GALNT7: variants seen among roughly 807,000 people sequenced by gnomAD.
GALNT7 encodes the protein polypeptide N-acetylgalactosaminyltransferase 7.
In GALNT7, 60 loss-of-function variants were observed where a neutral mutation model predicts 82.1. The observed-to-expected ratio is 0.73, with a 90% CI of 0.59 to 0.91. The LOEUF is 0.91. GALNT7 is among the 40% of genes least tolerant of loss of function. The pLI, the probability that GALNT7 is intolerant of heterozygous loss-of-function variation, is 0.00. For synonymous variants in GALNT7, 243 were observed against 275.1 expected (o/e 0.88, Z 1.15); for missense variants, 660 against 804.2 (o/e 0.82, Z 2.17).
At chr4:173,218,266 TACTC>T (rs1315076749) in intron 1 of GALNT7, among the ~76,000 whole-genome samples, 2 of 152,300 alleles carry the variant, frequency 1.3e-5, no homozygotes, top group Admixed American at 1.3e-4. Context: ...AAATGAATCT[TACTC>T]AGTTCCCTAA....
intron 2 of GALNT7, among the ~76,000 whole-genome samples, chr4:173,265,518 C>T (rs1735449633): frequency 6.6e-6 from 1 of 152,020 alleles, no homozygotes; most frequent in Admixed American, 6.5e-5. Flanking sequence ...ATGTTTAGCT[C>T]ACCACCTAGC....
At position 173,317,736 on chromosome 4, in the gene GALNT7, A is replaced by C; in HGVS notation, c.1707+4A>C. On this transcript the variant is annotated splice_donor_region_variant and intron_variant, in intron 10 of 11. Transcript: ENST00000265000. Reference sequence around the variant, plus strand: ...CCACAGGATGGGAGGGAATCAGGTAAACCACCTTACTTTTGTGTTTAAGTT... The same window carrying C: ...CCACAGGATGGGAGGGAATCAGGTACACCACCTTACTTTTGTGTTTAAGTT... 1.9e-6 allele frequency: 3 copies of C among 1,574,418 alleles called. No individual in the cohort carries two copies. The highest frequency in any genetic ancestry group is 8.7e-7 in the Non-Finnish European group (1 of 1,144,032).
intron 2 of GALNT7, among the ~76,000 whole-genome samples, chr4:173,279,311 A>C (rs572247080): frequency 1.1e-4 from 17 of 152,204 alleles, no homozygotes; most frequent in Admixed American, 7.9e-4. Flanking sequence ...ATTTTTAAAC[A>C]ACCAAATCTC....
intron 1 of GALNT7, among the ~76,000 whole-genome samples, chr4:173,206,773 G>A (rs1733113135): frequency 6.6e-6 from 1 of 152,178 alleles, no homozygotes; most frequent in African/African-American, 2.4e-5. Context: ...GGTTGGGGAG[G>A]GGCTGTGGAG....
rs1240789020 is a variant in GALNT7, at chr4:173,320,346, T to C, written c.1837-1234T>C. Among the ~76,000 whole-genome samples, 8 of 152,122 alleles carry C rather than the reference T, an allele frequency of 5.3e-5. No individual in the cohort carries two copies. Among genetic ancestry groups the C allele is most frequent in the Non-Finnish European group, 4.4e-5 (3 of 67,994 alleles). On this transcript the variant is annotated intron_variant, in intron 11 of 11. Transcript: ENST00000265000. This position sits in a 1 kb window ranked among gnomAD's most constrained non-coding sequence, Gnocchi z 4.1. Reference sequence around the variant, plus strand: ...GAGAAATTTGTAAAGTTTTTATATATTAATTCATCTAAAAGTAATAATAAT... The same window carrying C: ...GAGAAATTTGTAAAGTTTTTATATACTAATTCATCTAAAAGTAATAATAAT...
At chr4:173,264,755 T>G (rs1306627656) in intron 2 of GALNT7, among the ~76,000 whole-genome samples, 1 of 152,190 alleles carries the variant, frequency 6.6e-6, no homozygotes, top group African/African-American at 2.4e-5. Flanking sequence ...CACAATTGTT[T>G]CTCTAGATAA....
intron 1 of GALNT7, among the ~76,000 whole-genome samples, chr4:173,170,237 C>T (rs893896396): frequency 1.3e-5 from 2 of 152,174 alleles, no homozygotes; most frequent in Non-Finnish European, 1.5e-5. Context: ...GGCTCACGAC[C>T]GCCGAGGCGG....
intron 2 of GALNT7, among the ~76,000 whole-genome samples, chr4:173,264,282 A>G (rs1735395735): frequency 6.6e-6 from 1 of 152,230 alleles, no homozygotes; most frequent in Admixed American, 6.5e-5. Flanking sequence ...TAACTAAGAT[A>G]TGAGTGGTTA....
intron 2 of GALNT7, among the ~76,000 whole-genome samples, chr4:173,266,868 GGTGTGTGTGTGTGTGT>G (rs71596614): frequency 0.025 from 2,341 of 95,120 alleles, 49 homozygotes; most frequent in Admixed American, 0.067. Flanking sequence ...GGCTGGGAAG[GGTGTGTGTGTGTGTGT>G]GTGTGTGTGT....
At chr4:173,308,458 T>C (rs777479200) in intron 8 of GALNT7, among the ~76,000 whole-genome samples, 2 of 152,112 alleles carry the variant, frequency 1.3e-5, no homozygotes, top group Non-Finnish European at 2.9e-5. Flanking sequence ...TAGATAATCA[T>C]GTTAGGAGTT....
At chr4:173,289,766 T>C (rs1736468145) in intron 2 of GALNT7, among the ~76,000 whole-genome samples, 1 of 152,206 alleles carries the variant, frequency 6.6e-6, no homozygotes, top group Non-Finnish European at 1.5e-5. Context: ...GCTTCTGTAC[T>C]GGACCATGTC....
chr4:173,290,048 T>C (rs998366527), intron 2 of GALNT7, among the ~76,000 whole-genome samples: 6 of 152,224 alleles, frequency 3.9e-5, no homozygotes, highest in African/African-American at 1.2e-4. Flanking sequence ...GCCGCTGTTA[T>C]GTGTTATATG....
chr4:173,190,937 G>A (rs1303182578), intron 1 of GALNT7, among the ~76,000 whole-genome samples: 2 of 152,058 alleles, frequency 1.3e-5, no homozygotes, highest in Non-Finnish European at 2.9e-5. Flanking sequence ...AGACCCCATT[G>A]CTGTTGGCAG....
intron 2 of GALNT7, among the ~76,000 whole-genome samples, chr4:173,279,875 T>C (rs967809815): frequency 6.6e-6 from 1 of 151,934 alleles, no homozygotes; most frequent in Non-Finnish European, 1.5e-5. Flanking sequence ...TTCGGGGGGC[T>C]GAGGCACAAG....
At chr4:173,299,342 G>T (rs567397121) in intron 6 of GALNT7, among the ~76,000 whole-genome samples, 1 of 152,014 alleles carries the variant, frequency 6.6e-6, no homozygotes, top group Admixed American at 6.6e-5. Context: ...AACTGCTTAC[G>T]TGCTTAACTT....
chr4:173,196,356 C>T (rs1214178409), intron 1 of GALNT7, among the ~76,000 whole-genome samples: 2 of 152,056 alleles, frequency 1.3e-5, no homozygotes, highest in Non-Finnish European at 2.9e-5. Flanking sequence ...AACTCCTGAC[C>T]TCAGGTGATC....
chr4:173,245,818 T>A (rs915833020), intron 1 of GALNT7, among the ~76,000 whole-genome samples: 1 of 152,154 alleles, frequency 6.6e-6, no homozygotes, highest in Non-Finnish European at 1.5e-5. Context: ...CTTAGTTAAT[T>A]CCCAAGAGAA....
rs373275511 is a variant in GALNT7 at position 173,298,207 on chromosome 4, G to A, written c.1058G>A (p.Arg353Gln). 1.1e-5 allele frequency: 18 copies of A among 1,613,510 alleles called. No individual in the cohort carries two copies. Among genetic ancestry groups the A allele is most frequent in the East Asian group, 4.5e-5 (2 of 44,884 alleles). ...QGGGDEDGYA[R>Q]GAWDWSMLWK... ...GGTGGTGATGAAGATGGGTATGCCC[G>A]AGGAGCATGGGATTGGAGTATGCTC... is the stretch of plus-strand genomic sequence containing the variant. The change falls in exon 6 of 12, where the codon CGA becomes CAA. Residue 353 changes from arginine (R) to glutamine (Q), a missense_variant. This residue lies in a region of GALNT7 where 527 missense variants were observed against 683.5 expected (regional missense o/e 0.77). Transcript: ENST00000265000.
chr4:173,322,423 G>C lies in GALNT7; in HGVS notation c.*706G>C, dbSNP rs1022703411. On this transcript the variant is annotated 3_prime_UTR_variant, in exon 12 of 12. Coordinates refer to ENST00000265000, the MANE Select transcript of GALNT7 (RefSeq NM_017423.3). ...ACTTTGTATGGCTTGAAAAAGAAAT[G>C]ACAATATGGAACATCCCAAGGCTGT... is the stretch of plus-strand genomic sequence containing the variant. 2.0e-5 allele frequency: 3 copies of C among 152,500 alleles called. No individual in the cohort carries two copies. The highest frequency in any genetic ancestry group is 3.2e-3 in the Middle Eastern group (1 of 316). 9.4% of individuals were successfully genotyped at this position (152,500 alleles called of 1,614,324 possible).
Sources: gnomAD v4.1 joint callset for allele counts (sites outside exome capture counted in the v4.1 genomes callset) on GRCh38, gnomAD v4.1.1 for gene constraint, gnomAD v4.1.1 regional missense constraint, Gnocchi (gnomAD v3.1) non-coding constraint, MANE v1.5 for transcripts, NCBI Gene and HGNC (gene_info 2026-07-23, HGNC 2026-07-21) for gene names.